Variants in TKTL1 observed in about 807,000 individuals in gnomAD.
The protein encoded by TKTL1 is transketolase-like protein 1.
In TKTL1, 1 loss-of-function variant was observed where a neutral mutation model predicts 39.3. The observed-to-expected ratio is 0.03, with a 90% CI of 0.01 to 0.12. The LOEUF (loss-of-function observed/expected upper bound fraction) is 0.12. Ranked by LOEUF, TKTL1 falls within the 10% of genes least tolerant of loss-of-function variation. The pLI is 1.00. For missense variants in TKTL1, 575 were observed against 509.6 expected (o/e 1.13, Z -1.24); for synonymous variants, 262 against 193.8 (o/e 1.35, Z -2.92).
At chrX:154,300,697 G>T (rs1167954227) in intron 1 of TKTL1, among the ~76,000 whole-genome samples, 5 of 110,372 alleles carry the variant, frequency 4.5e-5, no homozygotes, top group Admixed American at 9.7e-5. Flanking sequence ...TTGTTTGTTT[G>T]TGTTTGTTTG....
At chrX:154,321,551 T>C (rs1471476246) in intron 8 of TKTL1, among the ~76,000 whole-genome samples, 1 of 107,229 alleles carries the variant, frequency 9.3e-6, no homozygotes, top group Admixed American at 1.0e-4. Flanking sequence ...GAGGTGAGTG[T>C]GCCTAACAGA....
In TKTL1 at chrX:154,320,794, C is replaced by T. The variant is rs781917493; in HGVS notation, c.1067C>T (p.Thr356Ile). The T allele has an allele frequency of 5.0e-6, 6 of 1,209,383 alleles. No individual in the cohort carries two copies. The highest frequency in any genetic ancestry group is 6.7e-6 in the Non-Finnish European group (6 of 894,709). ...CTGGGCTGTGCCTCCCGTGGACGGACCATTGCTTTTGCTAGCACCTTTGCT... is the reference window on the plus strand; with the variant it reads ...CTGGGCTGTGCCTCCCGTGGACGGATCATTGCTTTTGCTAGCACCTTTGCT... ...VALGCASRGRTIAFASTFAAF... is the reference protein window; with the variant it reads ...VALGCASRGRIIAFASTFAAF... Residue 356 changes from threonine (T) to isoleucine (I), a missense_variant, in exon 8 of 13, where the codon ACC becomes ATC. Thr to Ile is a moderately conservative substitution (Grantham distance 89). Coordinates refer to ENST00000369915, the MANE Select transcript of TKTL1 (RefSeq NM_012253.4).
In TKTL1 at chrX:154,329,870, G is replaced by A; in HGVS notation, c.*182G>A. 2.3e-6 allele frequency: 1 copy of A among 432,522 alleles called. No homozygotes were observed. Among genetic ancestry groups the A allele is most frequent in the Non-Finnish European group, 3.8e-6 (1 of 266,135 alleles). 35.6% of individuals were successfully genotyped at this position (432,522 alleles called of 1,213,427 possible). A position where few individuals can be genotyped will look rare whatever the true frequency, so the allele number is the denominator to read the frequency against. On this transcript the variant is annotated 3_prime_UTR_variant, in exon 13 of 13. Transcript: ENST00000369915. ...TACCCTTTAAACTGTCACTGCATAT[G>A]CAAGTACCGCTCTAATTTTTGGATC...
intron 5 of TKTL1, among the ~76,000 whole-genome samples, chrX:154,312,067 TC>T (rs1297309437): frequency 4.5e-5 from 5 of 112,064 alleles, no homozygotes; most frequent in Non-Finnish European, 9.4e-5. Flanking sequence ...GTGGATCTGA[TC>T]AGTCACTTTC....
At chrX:154,299,149 C>CTTTTTTTTTTTTTTTT (rs1180562974) in intron 1 of TKTL1, among the ~76,000 whole-genome samples, 8 of 35,901 alleles carry the variant, frequency 2.2e-4, no homozygotes, top group Non-Finnish European at 3.1e-4. Context: ...CTTTTTCTTT[C>CTTTTTTTTTTTTTTTT]TTTTTTTTTT....
At chrX:154,324,860 T>C (rs1197904592) in intron 9 of TKTL1, among the ~76,000 whole-genome samples, 1 of 112,458 alleles carries the variant, frequency 8.9e-6, no homozygotes, top group Non-Finnish European at 1.9e-5. Context: ...AGTGTTCATT[T>C]ATACTGGTAA....
Position 154,329,813 on chromosome X carries a change from C to CA in TKTL1, c.*126dup. On this transcript the variant is annotated 3_prime_UTR_variant, in exon 13 of 13. Coordinates refer to ENST00000369915, the MANE Select transcript of TKTL1 (RefSeq NM_012253.4). ...AGCAAAGCCAGCTAACACCTTCATTCATCCCTAGTTCGGAAATTCAAGCTA... is the reference window on the plus strand; with the variant it reads ...AGCAAAGCCAGCTAACACCTTCATTCAATCCCTAGTTCGGAAATTCAAGCTA... 1 of 782,552 alleles carries CA rather than the reference C, an allele frequency of 1.3e-6. No homozygotes were observed. The highest frequency in any genetic ancestry group is 1.8e-6 in the Non-Finnish European group (1 of 544,480). 64.5% of individuals were successfully genotyped at this position (782,552 alleles called of 1,213,427 possible).
At chrX:154,310,429 TCAAA>T (rs1316864623) in intron 3 of TKTL1, among the ~76,000 whole-genome samples, 11 of 112,171 alleles carry the variant, frequency 9.8e-5, no homozygotes, top group Non-Finnish European at 1.5e-4. Flanking sequence ...AAACTCTGCC[TCAAA>T]CAAACAAACA....
chrX:154,318,065 TTTTTTA>T (rs1157817360), intron 7 of TKTL1, among the ~76,000 whole-genome samples: 1 of 111,477 alleles, frequency 9.0e-6, no homozygotes, highest in African/African-American at 3.3e-5. Context: ...CTAACATCTT[TTTTTTA>T]TTTTTATTTT....
intron 8 of TKTL1, among the ~76,000 whole-genome samples, chrX:154,322,714 T>C (rs2067461438): frequency 9.0e-6 from 1 of 111,069 alleles, no homozygotes; most frequent in Admixed American, 9.6e-5. Context: ...AGATACACCC[T>C]AAAGTACCCT....
intron 7 of TKTL1, among the ~76,000 whole-genome samples, chrX:154,317,674 G>C (rs1356921780): frequency 8.9e-6 from 1 of 112,928 alleles, no homozygotes; most frequent in Non-Finnish European, 1.9e-5. Context: ...GAGAAGGAGA[G>C]GGTGACTTGG....
At chrX:154,311,280 T>C (rs782643097) in intron 5 of TKTL1, 42 bp downstream of exon 5, 22 of 1,206,848 alleles carry the variant, frequency 1.8e-5, no homozygotes, top group Non-Finnish European at 2.5e-5. Context: ...GTTAAAAGCA[T>C]CTGTCCGCTC....
intron 1 of TKTL1, among the ~76,000 whole-genome samples, chrX:154,300,926 C>G (rs1345914365): frequency 2.7e-5 from 3 of 109,436 alleles, no homozygotes; most frequent in Non-Finnish European, 5.7e-5. Flanking sequence ...AACTCCTAAC[C>G]TCAGGTGATC....
chrX:154,319,830 G>A (rs185476844), intron 7 of TKTL1, among the ~76,000 whole-genome samples: 3 of 111,480 alleles, frequency 2.7e-5, no homozygotes, highest in Admixed American at 9.5e-5. Flanking sequence ...GATCTTGAGT[G>A]TAACACCCAC....
At chrX:154,297,949 A>T (rs2067243735) in intron 1 of TKTL1, among the ~76,000 whole-genome samples, 1 of 111,383 alleles carries the variant, frequency 9.0e-6, no homozygotes, top group African/African-American at 3.3e-5. Context: ...ACTGTTGTTA[A>T]TTTTTCTTTA....
At chrX:154,296,276 C>T (rs1268079563) in intron 1 of TKTL1, among the ~76,000 whole-genome samples, 2 of 111,459 alleles carry the variant, frequency 1.8e-5, no homozygotes, top group Non-Finnish European at 3.8e-5. Flanking sequence ...TCGCCAAGAT[C>T]TCCAGTTGGG....
intron 3 of TKTL1, among the ~76,000 whole-genome samples, chrX:154,309,714 C>A (rs1557167932): frequency 9.0e-6 from 1 of 111,318 alleles, no homozygotes; most frequent in African/African-American, 3.3e-5. Context: ...TTTAAAACTT[C>A]CAGCACTTTA....
At position 154,323,350 on chromosome X, in the gene TKTL1, G is replaced by A. The variant is rs782696591; in HGVS notation, c.1317+13G>A. ...AGCCAATGCCAAGGTATTTTTAAGG[G>A]GACACTAGTTTCAGACAGAAAATGC... On this transcript the variant is annotated intron_variant, in intron 9 of 12. Transcript: ENST00000369915. 2.6e-5 allele frequency: 31 copies of A among 1,207,825 alleles called. No individual in the cohort carries two copies. Among genetic ancestry groups the A allele is most frequent in the Admixed American group, 4.4e-5 (2 of 45,534 alleles).
rs1557168300 is a variant in TKTL1 at position 154,311,240 on chromosome X, TAAGC to T, written c.670+8_670+11del. The T allele has an allele frequency of 8.3e-7, 1 of 1,211,537 alleles. No homozygotes were observed. Among genetic ancestry groups the T allele is most frequent in the Admixed American group, 2.2e-5 (1 of 46,034 alleles). ...CCTTCAAGGGCCGGGGCACCCCAAGTAAGCAAGCACTTTCCTCCTGCTCCTGGTT... is the reference window on the plus strand; with the variant it reads ...CCTTCAAGGGCCGGGGCACCCCAAGTAAGCACTTTCCTCCTGCTCCTGGTT... On this transcript the variant is annotated splice_donor_5th_base_variant and intron_variant, in intron 5 of 12. Transcript: ENST00000369915.
Sources: gnomAD v4.1 joint callset for allele counts (sites outside exome capture counted in the v4.1 genomes callset) on GRCh38, gnomAD v4.1.1 for gene constraint, MANE v1.5 for transcripts, NCBI Gene and HGNC (gene_info 2026-07-23, HGNC 2026-07-21) for gene names.